The following DFFA variants were observed in gnomAD, a reference collection of about 807,000 sequenced individuals.
DFFA encodes DNA fragmentation factor subunit alpha, also known as DFF45.
DFFA carries 14 observed loss-of-function variants against 28.0 expected under a neutral mutation model. The ratio of observed to expected loss-of-function variants is 0.50; its 90% confidence interval spans 0.33 to 0.78. DFFA has a LOEUF of 0.78. Among genes scored for constraint, DFFA ranks in the 30% least tolerant of loss-of-function variants. DFFA has a pLI of 0.02. For synonymous variants in DFFA, 158 were observed against 170.3 expected (o/e 0.93, Z 0.56); for missense variants, 395 against 407.1 (o/e 0.97, Z 0.26).
At chr1:10,462,498 C>T in intron 5 of DFFA, 5 of 989,954 alleles carry the variant, frequency 5.1e-6, no homozygotes, top group Non-Finnish European at 6.0e-6. Context: ...TGGAGCAACT[C>T]TAAGGTCCTC....
rs1491394289 is a variant in DFFA, at chr1:10,458,554, TTA to T, written c.*2934_*2935del. 1.0e-3 allele frequency: 157 copies of T among 151,214 alleles called. No individual in the cohort carries two copies. Among genetic ancestry groups the T allele is most frequent in the African/African-American group, 3.5e-3 (144 of 41,174 alleles). 9.4% of individuals were successfully genotyped at this position (151,214 alleles called of 1,614,324 possible). On this transcript the variant is annotated 3_prime_UTR_variant, in exon 6 of 6. Transcript: ENST00000377038. ...TTGTGATTTTCTTTTTTTTTTTTTT[TTA>T]AAGACAGAGTCTCATTCTGTCACCC...
In DFFA at chr1:10,469,325, C is replaced by T; in HGVS notation, c.150G>A (p.Leu50=). ...EDLRSKACDI[L]AIDKSLTPVT... ...CTGGTGTCAGGGACTTATCAATGGC[C>T]AGAATGTCACAGGCTGAAAAGAATA... The change falls in exon 2 of 6, where the codon CTG becomes CTA. Residue 50 remains leucine (L), a synonymous_variant. Coordinates refer to ENST00000377038, the MANE Select transcript of DFFA (RefSeq NM_004401.3). 6.2e-7 allele frequency: 1 copy of T among 1,613,422 alleles called. No individual in the cohort carries two copies. Among genetic ancestry groups the T allele is most frequent in the East Asian group, 2.2e-5 (1 of 44,880 alleles).
rs1640889052 is a variant in DFFA at position 10,458,561 on chromosome 1, C to CA, written c.*2928dup. On this transcript the variant is annotated 3_prime_UTR_variant, in exon 6 of 6. Coordinates refer to ENST00000377038, the MANE Select transcript of DFFA (RefSeq NM_004401.3). ...TTTCTTTTTTTTTTTTTTTTAAAGA[C>CA]AGAGTCTCATTCTGTCACCCAGGCT... is the stretch of plus-strand genomic sequence containing the variant. 8.6e-6 allele frequency: 1 copy of CA among 115,942 alleles called. No individual in the cohort carries two copies. The highest frequency in any genetic ancestry group is 3.3e-5 in the African/African-American group (1 of 30,366). The allele number at this position is 115,942 out of a possible 1,614,324, so 7.2% of individuals were successfully genotyped here.
At chr1:10,462,904 T>C in intron 5 of DFFA, 154 bp downstream of exon 5, 2 of 1,448,000 alleles carry the variant, frequency 1.4e-6, no homozygotes, top group Non-Finnish European at 1.8e-6. Flanking sequence ...ATTAATGAGA[T>C]TTTTGCAAAT....
chr1:10,461,602 A>G lies in DFFA; in HGVS notation c.884T>C (p.Leu295Pro). The G allele has an allele frequency of 1.9e-6, 3 of 1,614,260 alleles. No individual in the cohort carries two copies. The highest frequency in any genetic ancestry group is 3.3e-4 in the Middle Eastern group (2 of 6,062). The change falls in exon 6 of 6, where the codon CTG becomes CCG. Residue 295 changes from leucine to proline, a missense_variant. Leu to Pro is a moderately conservative substitution (Grantham distance 98). Transcript: ENST00000377038. ...CAAGCTCTGCGTCTGCTGCAGGCGCAGGGCGAGCTCCCGCTCACAGGCCTC... is the reference window on the plus strand; with the variant it reads ...CAAGCTCTGCGTCTGCTGCAGGCGCGGGGCGAGCTCCCGCTCACAGGCCTC... ...VQEACERELA[L>P]RLQQTQSLHS...
At position 10,467,253 on chromosome 1, in the gene DFFA, A is replaced by G. The variant is rs1641036306; in HGVS notation, c.378T>C (p.Asn126=). 1.9e-6 allele frequency: 3 copies of G among 1,614,024 alleles called. No individual in the cohort carries two copies. The highest frequency in any genetic ancestry group is 2.5e-6 in the Non-Finnish European group (3 of 1,180,024). Residue 126 remains asparagine, a synonymous_variant, in exon 3 of 6, where the codon AAT becomes AAC. Coordinates refer to ENST00000377038, the MANE Select transcript of DFFA (RefSeq NM_004401.3). Reference sequence around the variant, plus strand: ...GATCTTCTTTCAGCTGCCTGGCCACATTCTTCCACTTCAACCCTGCCCCGC... The same window carrying G: ...GATCTTCTTTCAGCTGCCTGGCCACGTTCTTCCACTTCAACCCTGCCCCGC... The part of the protein sequence containing the change: ...TDSGAGLKWK[N]VARQLKEDLS...
chr1:10,459,953 T>TAA lies in DFFA; in HGVS notation c.*1536_*1537insTT, dbSNP rs1640904046. The TAA allele has an allele frequency of 6.6e-6, 1 of 151,612 alleles. No homozygotes were observed. Among genetic ancestry groups the TAA allele is most frequent in the African/African-American group, 2.4e-5 (1 of 41,270 alleles). The allele number at this position is 151,612 out of a possible 1,614,324, so 9.4% of individuals were successfully genotyped here. ...GCTGACAATTACTTTATTTAAAAGC[T>TAA]TTTTTTTCTGGCCAGGGGTGGTGGC... On this transcript the variant is annotated 3_prime_UTR_variant, in exon 6 of 6. Coordinates refer to ENST00000377038, the MANE Select transcript of DFFA (RefSeq NM_004401.3).
At chr1:10,463,672 T>A in intron 3 of DFFA, 52 bp from the exon 4 acceptor site, 1 of 386,774 alleles carries the variant, frequency 2.6e-6, no homozygotes, top group Non-Finnish European at 3.7e-6. Flanking sequence ...TCTGACTTTC[T>A]TTTTTTTTTT....
In DFFA at chr1:10,461,600, G is replaced by A. The variant is rs137950953; in HGVS notation, c.886C>T (p.Arg296Cys). The A allele has an allele frequency of 2.2e-3, 3,524 of 1,614,216 alleles. 8 individuals are homozygous for A. The highest frequency in any genetic ancestry group is 2.6e-3 in the Non-Finnish European group (3,080 of 1,180,032). ...TGCAAGCTCTGCGTCTGCTGCAGGC[G>A]CAGGGCGAGCTCCCGCTCACAGGCC... ...QEACERELALRLQQTQSLHSL... is the reference protein window; with the variant it reads ...QEACERELALCLQQTQSLHSL... Residue 296 changes from arginine (R) to cysteine (C), a missense_variant, in exon 6 of 6, where the codon CGC becomes TGC. Arg to Cys is a radical substitution (Grantham distance 180). Coordinates refer to ENST00000377038, the MANE Select transcript of DFFA (RefSeq NM_004401.3).
At chr1:10,466,185 A>G (rs562064353) in intron 3 of DFFA, among the ~76,000 whole-genome samples, 2 of 151,892 alleles carry the variant, frequency 1.3e-5, no homozygotes, top group Admixed American at 6.6e-5. Flanking sequence ...TTTTATCCCA[A>G]TCTTTTTTTT....
intron 4 of DFFA, 86 bp downstream of exon 4, chr1:10,463,345 T>TTCAGA: frequency 6.5e-7 from 1 of 1,546,030 alleles, no homozygotes; most frequent in Non-Finnish European, 8.8e-7. Context: ...TCAGTGGCCC[T>TTCAGA]GGCTACATCA....
intron 3 of DFFA, among the ~76,000 whole-genome samples, chr1:10,464,436 C>T (rs1482674019): frequency 1.3e-5 from 2 of 152,094 alleles, no homozygotes; most frequent in African/African-American, 2.4e-5. Flanking sequence ...GAAGAAGGGT[C>T]GGGTGTAGTG....
intron 3 of DFFA, 100 bp from the exon 4 acceptor site, chr1:10,463,720 G>A (rs1349250284): frequency 1.8e-5 from 22 of 1,245,812 alleles, no homozygotes; most frequent in Middle Eastern, 5.6e-4. Context: ...GCTGGAGTGC[G>A]ATGGTGTGAT....
rs777639485 is a variant in DFFA at position 10,472,510 on chromosome 1, C to A, written c.-52G>T. The stretch of plus-strand genomic sequence containing the variant: ...TTCGAGAAGTCGCGGGAGGCCGGAG[C>A]GGCGGTCCTTCTACTCGACCCCCTT... On this transcript the variant is annotated 5_prime_UTR_variant, in exon 1 of 6. Transcript: ENST00000377038. This position sits in a 1 kb window ranked among gnomAD's most constrained non-coding sequence, Gnocchi z 5.0. The A allele has an allele frequency of 3.2e-6, 5 of 1,541,418 alleles. No individual in the cohort carries two copies. The highest frequency in any genetic ancestry group is 4.4e-6 in the Non-Finnish European group (5 of 1,136,492).
chr1:10,472,494 T>G lies in DFFA; in HGVS notation c.-36A>C. Reference sequence around the variant, plus strand: ...GTGGGACCTGCCCACCTTCGAGAAGTCGCGGGAGGCCGGAGCGGCGGTCCT... The same window carrying G: ...GTGGGACCTGCCCACCTTCGAGAAGGCGCGGGAGGCCGGAGCGGCGGTCCT... On this transcript the variant is annotated 5_prime_UTR_variant, in exon 1 of 6. Coordinates refer to ENST00000377038, the MANE Select transcript of DFFA (RefSeq NM_004401.3). This position sits in a 1 kb window ranked among gnomAD's most constrained non-coding sequence, Gnocchi z 5.0. 7 of 1,556,146 alleles carry G rather than the reference T, an allele frequency of 4.5e-6. No homozygotes were observed. The highest frequency in any genetic ancestry group is 6.1e-6 in the Non-Finnish European group (7 of 1,143,994).
At chr1:10,462,375 A>C (rs1436665899) in intron 5 of DFFA, 1 of 964,306 alleles carries the variant, frequency 1.0e-6, no homozygotes, top group Non-Finnish European at 1.2e-6. Flanking sequence ...CAGGTGATCC[A>C]CCTGCCTCGG....
At position 10,463,464 on chromosome 1, in the gene DFFA, C is replaced by G; in HGVS notation, c.598G>C (p.Glu200Gln). The change falls in exon 4 of 6, where the codon GAG (glutamate) becomes CAG (glutamine). Residue 200 changes from glutamate (E) to glutamine (Q), a missense_variant. By Grantham distance (29) the Glu-to-Gln change is conservative (BLOSUM62 2). Coordinates refer to ENST00000377038, the MANE Select transcript of DFFA (RefSeq NM_004401.3). The stretch of plus-strand genomic sequence containing the variant: ...TTTGACAAGAGGCTGCCCTCTTTCT[C>G]CAAAGCCTGGAGGTACAGCTGCAGG... ...QLLQLYLQAL[E>Q]KEGSLLSKQE... The G allele has an allele frequency of 6.2e-7, 1 of 1,613,822 alleles. No individual in the cohort carries two copies. Among genetic ancestry groups the G allele is most frequent in the Non-Finnish European group, 8.5e-7 (1 of 1,179,942 alleles).
At chr1:10,466,623 G>A (rs1235911109) in intron 3 of DFFA, among the ~76,000 whole-genome samples, 2 of 151,768 alleles carry the variant, frequency 1.3e-5, no homozygotes, top group Non-Finnish European at 2.9e-5. Flanking sequence ...TGACCCCAGC[G>A]TCCACCTAAC....
chr1:10,470,721 G>A (rs1426677414), intron 1 of DFFA, among the ~76,000 whole-genome samples: 1 of 147,356 alleles, frequency 6.8e-6, no homozygotes, highest in South Asian at 2.2e-4. Context: ...CACCGGACCC[G>A]GCCCTCAGGT....
Sources: gnomAD v4.1 joint callset for allele counts (sites outside exome capture counted in the v4.1 genomes callset) on GRCh38, gnomAD v4.1.1 for gene constraint, Gnocchi (gnomAD v3.1) non-coding constraint, MANE v1.5 for transcripts, NCBI Gene and HGNC (gene_info 2026-07-23, HGNC 2026-07-21) for gene names.